Variants in EAF2 observed in about 807,000 individuals in gnomAD.
EAF2 encodes the protein ELL-associated factor 2.
A neutral mutation model predicts 29.4 loss-of-function variants in EAF2; 29 were observed. The ratio of observed to expected loss-of-function variants is 0.99; its 90% CI spans 0.73 to 1.35. EAF2 has a LOEUF of 1.35. Among genes scored for constraint, EAF2 ranks in the 40% most tolerant of loss-of-function variants. The probability of loss-of-function intolerance (pLI) is 0.00; values close to 1 mark genes in which losing one functional copy is unlikely to be tolerated. For missense variants in EAF2, 292 were observed against 312.0 expected (o/e 0.94, Z 0.48); for synonymous variants, 103 against 102.5 (o/e 1.00, Z -0.03).
chr3:121,841,126 G>T (rs988694999), intron 1 of EAF2, among the ~76,000 whole-genome samples: 1 of 152,166 alleles, frequency 6.6e-6, no homozygotes, highest in Non-Finnish European at 1.5e-5. Flanking sequence ...ATAATAATTA[G>T]ATGTAAATGA....
At chr3:121,874,611 A>G (rs1415885123) in intron 5 of EAF2, among the ~76,000 whole-genome samples, 1 of 151,900 alleles carries the variant, frequency 6.6e-6, no homozygotes, top group Non-Finnish European at 1.5e-5. Context: ...TCCTCATTGA[A>G]AGTAGAGGTC....
chr3:121,853,027 TG>T (rs1708658727), intron 2 of EAF2, among the ~76,000 whole-genome samples: 1 of 152,192 alleles, frequency 6.6e-6, no homozygotes, highest in Admixed American at 6.5e-5. Flanking sequence ...AATTGTATAA[TG>T]AATTACATGT....
At position 121,844,560 on chromosome 3, in the gene EAF2, G is replaced by A. The variant is rs746723988; in HGVS notation, c.201+13G>A. ...GCCAAATATAGAAGTGAGTATTTCTGTATCTTTAAAGTGATCACTTTTGTG... is the reference window on the plus strand; with the variant it reads ...GCCAAATATAGAAGTGAGTATTTCTATATCTTTAAAGTGATCACTTTTGTG... On this transcript the variant is annotated intron_variant, in intron 2 of 5. Coordinates refer to ENST00000273668, the MANE Select transcript of EAF2 (RefSeq NM_018456.6). The A allele has an allele frequency of 2.0e-6, 3 of 1,524,372 alleles. No individual in the cohort carries two copies. The East Asian group carries it at 6.9e-5, about 35-fold the overall frequency. 94.4% of individuals were successfully genotyped at this position (1,524,372 alleles called of 1,614,324 possible).
intron 5 of EAF2, among the ~76,000 whole-genome samples, chr3:121,874,790 C>A (rs1383631781): frequency 1.3e-5 from 2 of 151,814 alleles, no homozygotes; most frequent in African/African-American, 4.8e-5. Context: ...AAAGGTAAAA[C>A]CCAGACATGG....
chr3:121,880,455 G>GGGGT (rs1033336939), intron 5 of EAF2, among the ~76,000 whole-genome samples: 1 of 142,962 alleles, frequency 7.0e-6, no homozygotes, highest in African/African-American at 2.7e-5. Context: ...AGTGTTTTGG[G>GGGGT]GTGTGTGTGT....
chr3:121,859,603 A>T (rs1708788206), intron 4 of EAF2, among the ~76,000 whole-genome samples: 1 of 152,176 alleles, frequency 6.6e-6, no homozygotes, highest in Non-Finnish European at 1.5e-5. Flanking sequence ...ATATACAATC[A>T]TGTCATCTGC....
In EAF2 at chr3:121,835,249, C is replaced by T. The variant is rs1209885066; in HGVS notation, c.-37C>T. The T allele has an allele frequency of 6.3e-7, 1 of 1,597,620 alleles. No individual in the cohort carries two copies. ...AGGCTGAGGTGGCAGATAGTGAGCG[C>T]TGGTGGCGGAGTTAAAGTCAAAGCA... On this transcript the variant is annotated 5_prime_UTR_variant, in exon 1 of 6. Transcript: ENST00000273668.
At chr3:121,878,288 A>G (rs1709135846) in intron 5 of EAF2, among the ~76,000 whole-genome samples, 1 of 152,160 alleles carries the variant, frequency 6.6e-6, no homozygotes, top group African/African-American at 2.4e-5. Context: ...TTGATATACA[A>G]TATACATATT....
At chr3:121,846,361 G>A (rs1411976072) in intron 2 of EAF2, among the ~76,000 whole-genome samples, 1 of 152,124 alleles carries the variant, frequency 6.6e-6, no homozygotes, top group Admixed American at 6.5e-5. Context: ...AATCTATTTA[G>A]TATGAGATGT....
intron 5 of EAF2, chr3:121,873,220 C>T: frequency 3.8e-6 from 2 of 530,642 alleles, no homozygotes; most frequent in South Asian, 2.8e-5. Context: ...AACATCATCT[C>T]CCATCATCTC....
chr3:121,872,011 T>C (rs1226916041), intron 4 of EAF2, among the ~76,000 whole-genome samples: 1 of 151,930 alleles, frequency 6.6e-6, no homozygotes, highest in Non-Finnish European at 1.5e-5. Flanking sequence ...GAAATATTTA[T>C]AGCCAAAGTT....
chr3:121,879,204 TA>T (rs1192373613), intron 5 of EAF2, among the ~76,000 whole-genome samples: 3 of 152,224 alleles, frequency 2.0e-5, no homozygotes, highest in African/African-American at 7.2e-5. Context: ...CTATTCAGTT[TA>T]TTTGCGCATT....
At chr3:121,866,513 G>A (rs901115563) in intron 4 of EAF2, among the ~76,000 whole-genome samples, 4 of 152,048 alleles carry the variant, frequency 2.6e-5, no homozygotes, top group African/African-American at 9.7e-5. Context: ...ATCACTTGAG[G>A]TCAGGAGTTT....
At chr3:121,877,286 G>A (rs62271270) in intron 5 of EAF2, among the ~76,000 whole-genome samples, 4 of 151,710 alleles carry the variant, frequency 2.6e-5, no homozygotes, top group Non-Finnish European at 5.9e-5. Context: ...TTTAGTGGGA[G>A]ATTTTATGAA....
At chr3:121,860,135 T>G (rs2107524732) in intron 4 of EAF2, among the ~76,000 whole-genome samples, 1 of 152,326 alleles carries the variant, frequency 6.6e-6, no homozygotes. Context: ...AAAATTCTCT[T>G]TCTTTGTTGT....
intron 4 of EAF2, among the ~76,000 whole-genome samples, chr3:121,870,756 G>C (rs28404391): frequency 0.022 from 3,413 of 152,110 alleles, 128 homozygotes; most frequent in African/African-American, 0.078. Context: ...GATTTGAACA[G>C]GCTTTTCAAA....
intron 5 of EAF2, among the ~76,000 whole-genome samples, chr3:121,873,322 T>A (rs866734420): frequency 3.3e-5 from 5 of 151,984 alleles, no homozygotes; most frequent in African/African-American, 1.2e-4. Flanking sequence ...TACATCTAAT[T>A]ATGCAAATCA....
At chr3:121,840,423 G>A (rs1350966612) in intron 1 of EAF2, among the ~76,000 whole-genome samples, 1 of 146,644 alleles carries the variant, frequency 6.8e-6, no homozygotes, top group Admixed American at 6.9e-5. Flanking sequence ...CCAGGGAGGC[G>A]GAGATTGTAG....
intron 3 of EAF2, among the ~76,000 whole-genome samples, chr3:121,856,318 G>A (rs1213307877): frequency 7.2e-6 from 1 of 138,010 alleles, no homozygotes; most frequent in Admixed American, 7.0e-5. Context: ...TTAAGCAATG[G>A]CTTTTTTTTT....
Sources: allele counts gnomAD v4.1 joint callset (sites outside exome capture counted in the v4.1 genomes callset), GRCh38; gene constraint gnomAD v4.1.1; transcripts MANE v1.5; gene names NCBI Gene and HGNC (gene_info 2026-07-23, HGNC 2026-07-21).